The following MALRD1 variants were observed in gnomAD, a reference collection of about 807,000 sequenced individuals.
MALRD1 encodes the protein MAM and LDL receptor class A domain containing 1.
In MALRD1, 247 loss-of-function variants were observed where a neutral mutation model predicts 242.1. The ratio of observed to expected loss-of-function variants is 1.02; its 90% confidence interval spans 0.92 to 1.13. The LOEUF (loss-of-function observed/expected upper bound fraction) is 1.13. Ranked by LOEUF, MALRD1 falls within the 50% of genes most tolerant of loss-of-function variation. The pLI is 0.00. For missense variants in MALRD1, 2,989 were observed against 2,533.1 expected, an observed-to-expected ratio of 1.18 and a Z score of -3.86; for synonymous variants, 995 against 866.6, an observed-to-expected ratio of 1.15 and a Z score of -2.60.
intron 32 of MALRD1, among the ~76,000 whole-genome samples, chr10:19,565,106 T>A (rs895336363): frequency 3.3e-5 from 5 of 152,150 alleles, no homozygotes; most frequent in African/African-American, 1.2e-4. Flanking sequence ...AATAGTGAGT[T>A]AGTAAAGTTG....
intron 38 of MALRD1, among the ~76,000 whole-genome samples, chr10:19,693,148 C>T (rs1328671887): frequency 6.6e-6 from 1 of 151,744 alleles, no homozygotes; most frequent in Non-Finnish European, 1.5e-5. Flanking sequence ...GGAAGCATTC[C>T]CTTTGAAAAC....
At chr10:19,659,854 A>G (rs1293249829) in intron 36 of MALRD1, among the ~76,000 whole-genome samples, 1 of 152,162 alleles carries the variant, frequency 6.6e-6, no homozygotes, top group Non-Finnish European at 1.5e-5. Flanking sequence ...CTACTGAGGT[A>G]GAAAATTTCC....
chr10:19,202,408 A>G (rs1436847277), intron 14 of MALRD1, among the ~76,000 whole-genome samples: 1 of 152,138 alleles, frequency 6.6e-6, no homozygotes. Flanking sequence ...TAATATTATT[A>G]CCTCACATTC....
intron 38 of MALRD1, among the ~76,000 whole-genome samples, chr10:19,702,868 C>T (rs1488869990): frequency 6.6e-6 from 1 of 152,104 alleles, no homozygotes; most frequent in Non-Finnish European, 1.5e-5. Flanking sequence ...AAATTTTGTA[C>T]AAAGAATCTG....
chr10:19,514,610 T>G (rs1833548157), intron 31 of MALRD1, among the ~76,000 whole-genome samples: 1 of 152,004 alleles, frequency 6.6e-6, no homozygotes, highest in South Asian at 2.1e-4. Flanking sequence ...TTAACTAGAG[T>G]GATAATTAAA....
At chr10:19,348,129 T>C (rs564339351) in intron 25 of MALRD1, 111 bp downstream of exon 25, 1 of 1,357,494 alleles carries the variant, frequency 7.4e-7, no homozygotes, top group East Asian at 2.5e-5. Context: ...AAGATGAGTT[T>C]GAATTTATTC....
intron 7 of MALRD1, among the ~76,000 whole-genome samples, chr10:19,125,324 TCTTTCTTTC>T (rs1837234502): frequency 1.7e-5 from 1 of 58,524 alleles, no homozygotes; most frequent in Admixed American, 2.0e-4. Context: ...CTTCCTTCCT[TCTTTCTTTC>T]TTTCTTTCTT....
At chr10:19,173,274 T>C (rs1033192089) in intron 13 of MALRD1, among the ~76,000 whole-genome samples, 2 of 152,120 alleles carry the variant, frequency 1.3e-5, no homozygotes, top group African/African-American at 4.8e-5. Context: ...AAAACACATG[T>C]TGAATTTCTT....
chr10:19,407,570 C>T (rs964965510), intron 28 of MALRD1, among the ~76,000 whole-genome samples: 7 of 152,084 alleles, frequency 4.6e-5, no homozygotes, highest in African/African-American at 1.7e-4. Flanking sequence ...ATAGGTATCA[C>T]ACCTAAGAGG....
At chr10:19,682,179 C>T (rs1460297769) in intron 36 of MALRD1, among the ~76,000 whole-genome samples, 12 of 152,106 alleles carry the variant, frequency 7.9e-5, no homozygotes, top group Non-Finnish European at 1.8e-4. Context: ...CCAGTTCCTA[C>T]CAAATTAATC....
intron 28 of MALRD1, among the ~76,000 whole-genome samples, chr10:19,449,819 G>A (rs747850891): frequency 1.1e-4 from 17 of 152,096 alleles, no homozygotes; most frequent in Non-Finnish European, 1.8e-4. Flanking sequence ...ACCTGCACAC[G>A]TACCCCTGAA....
chr10:19,406,933 G>A (rs1038707082), intron 28 of MALRD1, among the ~76,000 whole-genome samples: 2 of 152,078 alleles, frequency 1.3e-5, no homozygotes, highest in Non-Finnish European at 2.9e-5. Context: ...TAATATATCA[G>A]ATTTTTTTTA....
intron 36 of MALRD1, among the ~76,000 whole-genome samples, chr10:19,653,160 A>T (rs767812526): frequency 6.6e-6 from 1 of 152,154 alleles, no homozygotes; most frequent in Non-Finnish European, 1.5e-5. Context: ...ACATCTGATC[A>T]GTTTCCATCT....
chr10:19,242,828 T>G (rs933418212), intron 18 of MALRD1, among the ~76,000 whole-genome samples: 3 of 152,110 alleles, frequency 2.0e-5, no homozygotes, highest in African/African-American at 7.2e-5. Flanking sequence ...AATAGTGAGG[T>G]AAGTATCATG....
intron 36 of MALRD1, among the ~76,000 whole-genome samples, chr10:19,655,555 T>C (rs1451335213): frequency 1.4e-5 from 2 of 143,496 alleles, no homozygotes; most frequent in African/African-American, 5.0e-5. Flanking sequence ...TATATATATA[T>C]ATATATATAT....
intron 14 of MALRD1, among the ~76,000 whole-genome samples, chr10:19,178,892 G>A (rs1195373295): frequency 1.3e-5 from 2 of 152,130 alleles, no homozygotes; most frequent in Admixed American, 6.5e-5. Flanking sequence ...CTCTCTGAAC[G>A]TAAAGTGCAC....
intron 32 of MALRD1, among the ~76,000 whole-genome samples, chr10:19,547,914 C>T (rs139908655): frequency 2.3e-5 from 3 of 128,398 alleles, no homozygotes; most frequent in African/African-American, 8.6e-5. Context: ...ATTTTCCCAA[C>T]AACTTGTGCT....
intron 38 of MALRD1, among the ~76,000 whole-genome samples, chr10:19,692,810 T>C (rs1005477790): frequency 6.8e-6 from 1 of 146,086 alleles, no homozygotes; most frequent in African/African-American, 2.5e-5. Flanking sequence ...TATATATATA[T>C]ATGAAATTTA....
At chr10:19,236,595 A>G (rs1838326409) in intron 18 of MALRD1, among the ~76,000 whole-genome samples, 1 of 152,068 alleles carries the variant, frequency 6.6e-6, no homozygotes, top group Non-Finnish European at 1.5e-5. Flanking sequence ...CTTCTTAGAT[A>G]AAATGCCAAC....
Sources: allele counts gnomAD v4.1 joint callset (sites outside exome capture counted in the v4.1 genomes callset), GRCh38; gene constraint gnomAD v4.1.1; transcripts MANE v1.5; gene names NCBI Gene and HGNC (gene_info 2026-07-23, HGNC 2026-07-21).